Variants in ANKRD61 observed in about 807,000 individuals in gnomAD.
The protein encoded by ANKRD61 is ankyrin repeat domain-containing protein 61.
A neutral mutation model predicts 8.4 loss-of-function variants in ANKRD61; 7 were observed. That is an observed-to-expected ratio of 0.84 (90% CI 0.48 to 1.57). The LOEUF (loss-of-function observed/expected upper bound fraction) is 1.57. ANKRD61 is among the 40% of genes most tolerant of loss of function. The pLI is 0.00. For synonymous variants in ANKRD61, 198 were observed against 208.0 expected (o/e 0.95, Z 0.41); for missense variants, 516 against 523.4 (o/e 0.99, Z 0.14).
Position 6,033,398 on chromosome 7 carries a change from A to T in ANKRD61, c.314+462A>T, listed in dbSNP as rs957255649. Among the ~76,000 whole-genome samples the T allele has an allele frequency of 1.3e-5, 2 of 152,140 alleles. No individual in the cohort carries two copies. Among genetic ancestry groups the T allele is most frequent in the Non-Finnish European group, 2.9e-5 (2 of 68,028 alleles). On this transcript the variant is annotated intron_variant, in intron 2 of 2. Coordinates refer to ENST00000409061, the MANE Select transcript of ANKRD61 (RefSeq NM_001271700.2). This position sits in a 1 kb window ranked among gnomAD's most constrained non-coding sequence, Gnocchi z 4.4. Reference sequence around the variant, plus strand: ...AACCAATGTCTTTACTGAGTAGATGAGATACTCTGAAAAACTGAGAAAAAT... The same window carrying T: ...AACCAATGTCTTTACTGAGTAGATGTGATACTCTGAAAAACTGAGAAAAAT...
In ANKRD61 at chr7:6,031,401, G is replaced by C; in HGVS notation, c.26G>C (p.Ser9Thr). MGNITRKG[S>T]RDLVVDSAKS... ...ATGGGGAATATAACCAGGAAAGGAA[G>C]CAGAGACCTGGTGGTTGACAGTGCC... is the stretch of plus-strand genomic sequence containing the variant. The change falls in exon 1 of 3, where the codon AGC becomes ACC. Residue 9 changes from serine (S) to threonine (T), a missense_variant. Physicochemically the swap from Ser to Thr is moderately conservative, Grantham distance 58 (BLOSUM62 1). Coordinates refer to ENST00000409061, the MANE Select transcript of ANKRD61 (RefSeq NM_001271700.2). The C allele has an allele frequency of 6.4e-7, 1 of 1,550,760 alleles. No homozygotes were observed. Among genetic ancestry groups the C allele is most frequent in the African/African-American group, 1.4e-5 (1 of 73,156 alleles).
In ANKRD61 at chr7:6,033,924, G is replaced by C. The variant is rs926167979; in HGVS notation, c.314+988G>C. 2.6e-5 allele frequency among the ~76,000 whole-genome samples: 4 copies of C among 152,126 alleles called. No homozygotes were observed. Among genetic ancestry groups the C allele is most frequent in the African/African-American group, 7.2e-5 (3 of 41,430 alleles). On this transcript the variant is annotated intron_variant, in intron 2 of 2. Transcript: ENST00000409061. This position sits in a 1 kb window ranked among gnomAD's most constrained non-coding sequence, Gnocchi z 4.4. ...ACTAGAAGGTAAGCCGCATGAAAGA[G>C]AAGTTGACCTTGTGCACCACTGTAT...
chr7:6,035,280 G>A lies in ANKRD61; in HGVS notation c.315-164G>A, dbSNP rs915984613. 2.6e-5 allele frequency among the ~76,000 whole-genome samples: 4 copies of A among 152,096 alleles called. No individual in the cohort carries two copies. The highest frequency in any genetic ancestry group is 9.7e-5 in the African/African-American group (4 of 41,418). On this transcript the variant is annotated intron_variant, in intron 2 of 2. Coordinates refer to ENST00000409061, the MANE Select transcript of ANKRD61 (RefSeq NM_001271700.2). The surrounding 1 kb of genome is among the most constrained non-coding windows in gnomAD (Gnocchi z 5.5). ...CCACCACATCCCACGAAAAACCCTG[G>A]GATAGCCTGAGAAACTACCCAGCGA...
chr7:6,033,239 G>A lies in ANKRD61; in HGVS notation c.314+303G>A, dbSNP rs1293580556. On this transcript the variant is annotated intron_variant, in intron 2 of 2. Coordinates refer to ENST00000409061, the MANE Select transcript of ANKRD61 (RefSeq NM_001271700.2). The surrounding 1 kb of genome is among the most constrained non-coding windows in gnomAD (Gnocchi z 4.4). ...CTGCCTCGGCCTCCCAAAGTGCTGG[G>A]ATTAACAGCCCTCAGCCACAGCACC... is the stretch of plus-strand genomic sequence containing the variant. Among the ~76,000 whole-genome samples, 1 of 152,144 alleles carries A rather than the reference G, an allele frequency of 6.6e-6. No individual in the cohort carries two copies. Among genetic ancestry groups the A allele is most frequent in the African/African-American group, 2.4e-5 (1 of 41,430 alleles).
Position 6,035,609 on chromosome 7 carries a change from C to T in ANKRD61, c.480C>T (p.Asn160=). 1.3e-6 allele frequency: 2 copies of T among 1,551,034 alleles called. No individual in the cohort carries two copies. The change falls in exon 3 of 3, where the codon AAC becomes AAT. Residue 160 remains asparagine, a synonymous_variant. Transcript: ENST00000409061. The surrounding 1 kb of genome is among the most constrained non-coding windows in gnomAD (Gnocchi z 5.5). ...RILCAHGAQV[N]TQGEISNKRS... ...TGTGTGCGCACGGAGCTCAAGTGAA[C>T]ACTCAAGGGGAAATCAGCAACAAAC... is the stretch of plus-strand genomic sequence containing the variant.
rs901411506 is a variant in ANKRD61 at position 6,033,486 on chromosome 7, T to G, written c.314+550T>G. Among the ~76,000 whole-genome samples, 1 of 152,180 alleles carries G rather than the reference T, an allele frequency of 6.6e-6. No individual in the cohort carries two copies. The highest frequency in any genetic ancestry group is 1.5e-5 in the Non-Finnish European group (1 of 68,036). On this transcript the variant is annotated intron_variant, in intron 2 of 2. Coordinates refer to ENST00000409061, the MANE Select transcript of ANKRD61 (RefSeq NM_001271700.2). The surrounding 1 kb of genome is among the most constrained non-coding windows in gnomAD (Gnocchi z 4.4). ...CTGAGGATTAAGAGCTCAATGGTGGTGTTGTGAGGAATGCAGTAAAGTCCT... is the reference window on the plus strand; with the variant it reads ...CTGAGGATTAAGAGCTCAATGGTGGGGTTGTGAGGAATGCAGTAAAGTCCT...
intron 1 of ANKRD61, 116 bp downstream of exon 1, chr7:6,031,707 C>A: frequency 1.1e-6 from 1 of 942,188 alleles, no homozygotes; most frequent in Non-Finnish European, 1.6e-6. Flanking sequence ...TGAGACACGA[C>A]TCCAGCTCAC....
In ANKRD61 at chr7:6,036,245, A is replaced by C; in HGVS notation, c.1116A>C (p.Lys372Asn). 1 of 1,550,108 alleles carries C rather than the reference A, an allele frequency of 6.5e-7. No individual in the cohort carries two copies. The highest frequency in any genetic ancestry group is 8.7e-7 in the Non-Finnish European group (1 of 1,146,858). ...ACACCCTAATAAAGCAATCGCAAAA[A>C]CCTTTATCCCTACAGGGTATCTGCA... The part of the protein sequence containing the change: ...LRDTLIKQSQ[K>N]PLSLQGICKR... Residue 372 changes from lysine (K) to asparagine (N), a missense_variant, in exon 3 of 3, where the codon AAA becomes AAC. Physicochemically the swap from Lys to Asn is moderately conservative, Grantham distance 94. Transcript: ENST00000409061. The surrounding 1 kb of genome is among the most constrained non-coding windows in gnomAD (Gnocchi z 4.6).
At position 6,035,638 on chromosome 7, in the gene ANKRD61, C is replaced by T; in HGVS notation, c.509C>T (p.Ser170Leu). 2.6e-6 allele frequency: 4 copies of T among 1,550,704 alleles called. No individual in the cohort carries two copies. Among genetic ancestry groups the T allele is most frequent in the Non-Finnish European group, 3.5e-6 (4 of 1,147,060 alleles). The change falls in exon 3 of 3, where the codon TCA becomes TTA. Residue 170 changes from serine to leucine, a missense_variant. By Grantham distance (145) the Ser-to-Leu change is moderately radical (BLOSUM62 -2). Transcript: ENST00000409061. The surrounding 1 kb of genome is among the most constrained non-coding windows in gnomAD (Gnocchi z 5.5). ...CAAGGGGAAATCAGCAACAAACGTT[C>T]ACCACTCCACCTGGCCATAGCATAT... ...NTQGEISNKR[S>L]PLHLAIAYGC... is the part of the protein sequence containing the mutation.
Position 6,036,229 on chromosome 7 carries a change from T to A in ANKRD61, c.1100T>A (p.Ile367Lys). The change falls in exon 3 of 3, where the codon ATA (isoleucine) becomes AAA (lysine). Residue 367 changes from isoleucine (I) to lysine (K), a missense_variant. Ile to Lys is a moderately radical substitution (Grantham distance 102, BLOSUM62 -3). Transcript: ENST00000409061. This position sits in a 1 kb window ranked among gnomAD's most constrained non-coding sequence, Gnocchi z 4.6. ...PEFRLLRDTL[I>K]KQSQKPLSLQ... ...TTCCGCCTCTTAAGGGACACCCTAA[T>A]AAAGCAATCGCAAAAACCTTTATCC... 1 of 1,550,154 alleles carries A rather than the reference T, an allele frequency of 6.5e-7. No homozygotes were observed.
chr7:6,036,091 G>A lies in ANKRD61; in HGVS notation c.962G>A (p.Arg321His), dbSNP rs533672646. Residue 321 changes from arginine (R) to histidine (H), a missense_variant, in exon 3 of 3, where the codon CGC (arginine) becomes CAC (histidine). Physicochemically the swap from Arg to His is conservative, Grantham distance 29. Coordinates refer to ENST00000409061, the MANE Select transcript of ANKRD61 (RefSeq NM_001271700.2). This position sits in a 1 kb window ranked among gnomAD's most constrained non-coding sequence, Gnocchi z 4.6. ...TCTCCAATTTATATGTACCTTCAGC[G>A]CAGTTGCAATGTAAGAGATACGGCA... ...GESPIYMYLQ[R>H]SCNVRDTALL... The A allele has an allele frequency of 4.9e-5, 76 of 1,550,918 alleles. No individual in the cohort carries two copies. The highest frequency in any genetic ancestry group is 1.8e-4 in the Admixed American group (9 of 50,970).
rs574054419 is a variant in ANKRD61, at chr7:6,032,003, G to C, written c.216+412G>C. 6.6e-6 allele frequency among the ~76,000 whole-genome samples: 1 copy of C among 152,064 alleles called. No individual in the cohort carries two copies. The highest frequency in any genetic ancestry group is 1.5e-5 in the Non-Finnish European group (1 of 68,012). On this transcript the variant is annotated intron_variant, in intron 1 of 2. Transcript: ENST00000409061. The surrounding 1 kb of genome is among the most constrained non-coding windows in gnomAD (Gnocchi z 4.3). ...AGCCTGGCCAGCAGGGCAAAACCCC[G>C]TCTCTACTAAAAATACAAAAATTAG...
rs920308572 is a variant in ANKRD61 at position 6,031,636 on chromosome 7, G to T, written c.216+45G>T. 3.3e-6 allele frequency: 5 copies of T among 1,536,118 alleles called. No individual in the cohort carries two copies. In the East Asian group the frequency reaches 1.2e-4, roughly 38 times the overall value. ...GTCACTTCTGGAAAAAAGTCAGGCT[G>T]CTTAGAAAGAAGCATGATCTAAAGC... On this transcript the variant is annotated intron_variant, in intron 1 of 2. Transcript: ENST00000409061.
In ANKRD61 at chr7:6,032,768, G is replaced by T; in HGVS notation, c.217-71G>T. 6 of 1,290,450 alleles carry T rather than the reference G, an allele frequency of 4.6e-6. No homozygotes were observed. The highest frequency in any genetic ancestry group is 6.5e-6 in the Non-Finnish European group (6 of 921,166). 79.9% of individuals were successfully genotyped at this position (1,290,450 alleles called of 1,614,324 possible). On this transcript the variant is annotated intron_variant, in intron 1 of 2. Coordinates refer to ENST00000409061, the MANE Select transcript of ANKRD61 (RefSeq NM_001271700.2). This position sits in a 1 kb window ranked among gnomAD's most constrained non-coding sequence, Gnocchi z 4.3. ...TAAATAAATGTATTGCCTTTGAAAC[G>T]GCAAGCTAACACAAACAGTATTTTT...
rs780746513 is a variant in ANKRD61 at position 6,035,454 on chromosome 7, G to T, written c.325G>T (p.Gly109Cys). 8.5e-5 allele frequency: 131 copies of T among 1,550,194 alleles called. 7 individuals carry two copies. In the South Asian group the frequency reaches 1.5e-3, roughly 18 times the overall value. ...GADPEVRDTT[G>C]LTTLNLMLLH... ...CAATACCCATTCTAGGGACACGACA[G>T]GCCTCACCACACTCAACTTAATGCT... The change falls in exon 3 of 3, where the codon GGC (glycine) becomes TGC (cysteine). Residue 109 changes from glycine (G) to cysteine (C), a missense_variant. Physicochemically the swap from Gly to Cys is radical, Grantham distance 159. Coordinates refer to ENST00000409061, the MANE Select transcript of ANKRD61 (RefSeq NM_001271700.2). This position sits in a 1 kb window ranked among gnomAD's most constrained non-coding sequence, Gnocchi z 5.5.
rs1322616929 is a variant in ANKRD61 at position 6,035,753 on chromosome 7, C to T, written c.624C>T (p.Ala208=). 13 of 1,551,062 alleles carry T rather than the reference C, an allele frequency of 8.4e-6. No individual in the cohort carries two copies. Among genetic ancestry groups the T allele is most frequent in the African/African-American group, 5.5e-5 (4 of 73,154 alleles). Reference sequence around the variant, plus strand: ...CCAGCATGACACCCCTTCACATGGCCGCAAACATGCTGAATAAGGAGATGA... The same window carrying T: ...CCAGCATGACACCCCTTCACATGGCTGCAAACATGCTGAATAAGGAGATGA... ...NEASMTPLHM[A]ANMLNKEMME... The change falls in exon 3 of 3, where the codon GCC becomes GCT. Residue 208 remains alanine (A), a synonymous_variant. Coordinates refer to ENST00000409061, the MANE Select transcript of ANKRD61 (RefSeq NM_001271700.2). The surrounding 1 kb of genome is among the most constrained non-coding windows in gnomAD (Gnocchi z 5.5).
Position 6,035,460 on chromosome 7 carries a change from A to G in ANKRD61, c.331A>G (p.Thr111Ala). ...CCATTCTAGGGACACGACAGGCCTC[A>G]CCACACTCAACTTAATGCTACTGCA... ...DPEVRDTTGL[T>A]TLNLMLLHWP... Residue 111 changes from threonine (T) to alanine (A), a missense_variant, in exon 3 of 3, where the codon ACC becomes GCC. By Grantham distance (58) the Thr-to-Ala change is moderately conservative. Transcript: ENST00000409061. This position sits in a 1 kb window ranked among gnomAD's most constrained non-coding sequence, Gnocchi z 5.5. 1.9e-6 allele frequency: 3 copies of G among 1,550,564 alleles called. No individual in the cohort carries two copies. Among genetic ancestry groups the G allele is most frequent in the South Asian group, 1.2e-5 (1 of 84,054 alleles).
At position 6,032,963 on chromosome 7, in the gene ANKRD61, T is replaced by C. The variant is rs1218275961; in HGVS notation, c.314+27T>C. On this transcript the variant is annotated intron_variant, in intron 2 of 2. Transcript: ENST00000409061. The surrounding 1 kb of genome is among the most constrained non-coding windows in gnomAD (Gnocchi z 4.3). The stretch of plus-strand genomic sequence containing the variant: ...TAAGTTAACTCCACCGAAAATCATT[T>C]CTTTTTTTTTCTTTTTTGTTTTGAG... 12 of 1,525,448 alleles carry C rather than the reference T, an allele frequency of 7.9e-6. No individual in the cohort carries two copies. The highest frequency in any genetic ancestry group is 2.0e-5 in the Admixed American group (1 of 50,516). The allele number at this position is 1,525,448 out of a possible 1,614,324, so 94.5% of individuals were successfully genotyped here.
rs1024948832 is a variant in ANKRD61, at chr7:6,031,629, T to C, written c.216+38T>C. On this transcript the variant is annotated intron_variant, in intron 1 of 2. Transcript: ENST00000409061. ...CTGCTCAGTCACTTCTGGAAAAAAG[T>C]CAGGCTGCTTAGAAAGAAGCATGAT... The C allele has an allele frequency of 3.2e-6, 5 of 1,542,870 alleles. No individual in the cohort carries two copies. The Admixed American group carries it at 5.9e-5, about 18-fold the overall frequency.
Sources: gnomAD v4.1 joint callset for allele counts (sites outside exome capture counted in the v4.1 genomes callset) on GRCh38, gnomAD v4.1.1 for gene constraint, Gnocchi (gnomAD v3.1) non-coding constraint, MANE v1.5 for transcripts, NCBI Gene and HGNC (gene_info 2026-07-23, HGNC 2026-07-21) for gene names.